Variants in GRID2 observed in about 807,000 individuals in gnomAD.
The protein encoded by GRID2 is glutamate receptor ionotropic, delta-2.
GRID2 carries 33 observed loss-of-function variants against 114.8 expected under a neutral mutation model. The ratio of observed to expected loss-of-function variants is 0.29; its 90% CI spans 0.22 to 0.38. GRID2 has a LOEUF of 0.38. Among genes scored for constraint, GRID2 ranks in the 10% least tolerant of loss-of-function variants. GRID2 has a pLI of 1.00. For synonymous variants in GRID2, 505 were observed against 449.9 expected (o/e 1.12, Z -1.55); for missense variants, 1,184 against 1,257.7 (o/e 0.94, Z 0.89).
intron 2 of GRID2, among the ~76,000 whole-genome samples, chr4:92,855,752 G>A (rs1007994663): frequency 2.0e-5 from 3 of 151,918 alleles, no homozygotes; most frequent in Middle Eastern, 6.8e-3. Flanking sequence ...TACTTCATAA[G>A]TATAATATGA....
intron 2 of GRID2, among the ~76,000 whole-genome samples, chr4:92,899,903 A>G (rs1483771707): frequency 6.6e-6 from 1 of 152,154 alleles, no homozygotes; most frequent in Non-Finnish European, 1.5e-5. Context: ...AGGTTTATGG[A>G]GGAGAGTTGC....
chr4:93,099,182 G>A (rs1470922507), intron 3 of GRID2, among the ~76,000 whole-genome samples: 2 of 151,750 alleles, frequency 1.3e-5, no homozygotes, highest in African/African-American at 4.8e-5. Flanking sequence ...AGGGTGAAGG[G>A]TAGGCATACA....
chr4:93,253,298 A>C (rs1163830665), intron 8 of GRID2, among the ~76,000 whole-genome samples: 5 of 152,030 alleles, frequency 3.3e-5, no homozygotes. Flanking sequence ...TACCATAACC[A>C]AAATTATTTT....
At chr4:92,615,198 T>C (rs1729949546) in intron 2 of GRID2, among the ~76,000 whole-genome samples, 1 of 151,578 alleles carries the variant, frequency 6.6e-6, no homozygotes, top group Admixed American at 6.6e-5. Flanking sequence ...GGTCTTTCTT[T>C]GATACATACC....
chr4:93,259,065 C>G, intron 8 of GRID2: 1 of 325,154 alleles, frequency 3.1e-6, no homozygotes, highest in Non-Finnish European at 6.2e-6. Flanking sequence ...TATAGAGATG[C>G]TTTGCCTATT....
intron 2 of GRID2, among the ~76,000 whole-genome samples, chr4:92,770,173 C>G (rs1032592455): frequency 6.6e-6 from 1 of 152,196 alleles, no homozygotes; most frequent in African/African-American, 2.4e-5. Context: ...CCAGAAATCT[C>G]TAAGGCAGGG....
chr4:92,606,809 GTCTAA>G (rs1201637181), intron 2 of GRID2, among the ~76,000 whole-genome samples: 2 of 151,854 alleles, frequency 1.3e-5, no homozygotes, highest in Non-Finnish European at 2.9e-5. Context: ...ACTCATATTT[GTCTAA>G]TCTAATCAGA....
At chr4:92,593,851 A>G (rs972156382) in intron 2 of GRID2, among the ~76,000 whole-genome samples, 16 of 149,582 alleles carry the variant, frequency 1.1e-4, no homozygotes, top group African/African-American at 3.9e-4. Context: ...GGTTTTCTTG[A>G]CAATTTTTTT....
intron 8 of GRID2, among the ~76,000 whole-genome samples, chr4:93,284,777 A>C (rs1252883604): frequency 6.7e-6 from 1 of 148,688 alleles, no homozygotes; most frequent in Non-Finnish European, 1.5e-5. Flanking sequence ...GGATAACAAT[A>C]CAGTTAGAAT....
chr4:93,372,066 T>G (rs1390739648), intron 8 of GRID2, among the ~76,000 whole-genome samples: 1 of 152,104 alleles, frequency 6.6e-6, no homozygotes, highest in Non-Finnish European at 1.5e-5. Flanking sequence ...TCTTTTGTAA[T>G]TAAAAAGTAC....
intron 9 of GRID2, among the ~76,000 whole-genome samples, chr4:93,406,652 G>A (rs942789483): frequency 2.6e-5 from 4 of 152,140 alleles, no homozygotes; most frequent in African/African-American, 7.2e-5. Context: ...AAAAGAAAAT[G>A]TAGAAAGTAT....
At chr4:92,491,417 T>G (rs1723141658) in intron 1 of GRID2, among the ~76,000 whole-genome samples, 1 of 152,162 alleles carries the variant, frequency 6.6e-6, no homozygotes, top group African/African-American at 2.4e-5. Context: ...AACATAAGCC[T>G]TCTTGTGTAC....
chr4:92,542,509 T>C (rs1332440770), intron 1 of GRID2, among the ~76,000 whole-genome samples: 1 of 152,138 alleles, frequency 6.6e-6, no homozygotes, highest in East Asian at 1.9e-4. Flanking sequence ...AAGATCATTA[T>C]TCTAAGTGAA....
At chr4:92,873,483 C>T (rs940285644) in intron 2 of GRID2, among the ~76,000 whole-genome samples, 7 of 152,004 alleles carry the variant, frequency 4.6e-5, no homozygotes, top group African/African-American at 1.7e-4. Flanking sequence ...TGGACTTGAA[C>T]TCACCTTGCT....
chr4:93,315,183 G>A (rs573228836), intron 8 of GRID2, among the ~76,000 whole-genome samples: 46 of 152,158 alleles, frequency 3.0e-4, no homozygotes, highest in African/African-American at 1.1e-3. Context: ...ACCATCACAA[G>A]AACAGCATGA....
chr4:93,503,312 A>C (rs1451475777), intron 12 of GRID2, among the ~76,000 whole-genome samples: 1 of 152,122 alleles, frequency 6.6e-6, no homozygotes, highest in Non-Finnish European at 1.5e-5. Flanking sequence ...CTACTAAAAA[A>C]TAAGGCAAAT....
chr4:92,490,507 C>A (rs1486674093), intron 1 of GRID2, among the ~76,000 whole-genome samples: 1 of 152,064 alleles, frequency 6.6e-6, no homozygotes, highest in Non-Finnish European at 1.5e-5. Flanking sequence ...CATATTGCAG[C>A]CATTATGTTC....
chr4:93,008,701 A>C (rs1219274304), intron 2 of GRID2, among the ~76,000 whole-genome samples: 1 of 152,238 alleles, frequency 6.6e-6, no homozygotes, highest in Admixed American at 6.5e-5. Context: ...ACAATGTGGT[A>C]TATATCAATT....
chr4:92,582,656 A>C (rs1364869353), intron 1 of GRID2, among the ~76,000 whole-genome samples: 1 of 151,986 alleles, frequency 6.6e-6, no homozygotes, highest in African/African-American at 2.4e-5. Context: ...ATATACAATA[A>C]AATTTTATTA....
Sources: gnomAD v4.1 joint callset for allele counts (sites outside exome capture counted in the v4.1 genomes callset) on GRCh38, gnomAD v4.1.1 for gene constraint, MANE v1.5 for transcripts, NCBI Gene and HGNC (gene_info 2026-07-23, HGNC 2026-07-21) for gene names.